CNTNAP4: variants seen among roughly 807,000 people sequenced by gnomAD.
CNTNAP4 encodes the protein contactin-associated protein-like 4.
Under a neutral mutation model 148.4 loss-of-function variants are expected in CNTNAP4, and 98 were observed. The ratio of observed to expected loss-of-function variants is 0.66; its 90% CI spans 0.56 to 0.78. The LOEUF (loss-of-function observed/expected upper bound fraction) is 0.78. Ranked by LOEUF, CNTNAP4 falls within the 30% of genes least tolerant of loss-of-function variation. The pLI is 0.00. For missense variants in CNTNAP4, 1,935 were observed against 1,565.6 expected (o/e 1.24, Z -3.98); for synonymous variants, 730 against 565.1 (o/e 1.29, Z -4.14).
At chr16:76,343,737 T>C (rs1423587907) in intron 2 of CNTNAP4, among the ~76,000 whole-genome samples, 1 of 144,424 alleles carries the variant, frequency 6.9e-6, no homozygotes, top group Non-Finnish European at 1.5e-5. Context: ...ATGTTGAAAC[T>C]TCATTTTTTT....
At chr16:76,505,176 G>A (rs546857938) in intron 15 of CNTNAP4, among the ~76,000 whole-genome samples, 1 of 151,934 alleles carries the variant, frequency 6.6e-6, no homozygotes, top group African/African-American at 2.4e-5. Context: ...ATTATTATTG[G>A]CTTTATTCCA....
At chr16:76,468,806 G>T (rs2143518158) in intron 10 of CNTNAP4, among the ~76,000 whole-genome samples, 1 of 152,224 alleles carries the variant, frequency 6.6e-6, no homozygotes, top group Admixed American at 6.5e-5. Flanking sequence ...TTAGGCATGA[G>T]CAACTATAGC....
At chr16:76,278,620 G>T (rs1290265266) in intron 1 of CNTNAP4, among the ~76,000 whole-genome samples, 1 of 152,114 alleles carries the variant, frequency 6.6e-6, no homozygotes, top group African/African-American at 2.4e-5. Context: ...TTCCCCTCCT[G>T]ATTAATGACA....
intron 21 of CNTNAP4, among the ~76,000 whole-genome samples, chr16:76,547,022 T>C (rs149938593): frequency 6.6e-4 from 101 of 152,334 alleles, no homozygotes; most frequent in African/African-American, 2.2e-3. Context: ...AAGCATTTCA[T>C]TTCTTTCTGG....
intron 12 of CNTNAP4, among the ~76,000 whole-genome samples, chr16:76,485,107 T>C (rs972405191): frequency 2.6e-5 from 4 of 152,158 alleles, no homozygotes. Flanking sequence ...GTATTGCTTT[T>C]TCTTTTCTTT....
At chr16:76,505,106 A>G (rs981250456) in intron 15 of CNTNAP4, among the ~76,000 whole-genome samples, 1 of 152,184 alleles carries the variant, frequency 6.6e-6, no homozygotes, top group Non-Finnish European at 1.5e-5. Context: ...AGCAATCCCC[A>G]TCTTAGGATT....
At chr16:76,541,584 G>C (rs963138215) in intron 21 of CNTNAP4, among the ~76,000 whole-genome samples, 1 of 152,092 alleles carries the variant, frequency 6.6e-6, no homozygotes, top group South Asian at 2.1e-4. Context: ...GTCCAAGATA[G>C]TAAATGGAAT....
At chr16:76,495,402 C>G (rs1467929550) in intron 14 of CNTNAP4, among the ~76,000 whole-genome samples, 1 of 151,954 alleles carries the variant, frequency 6.6e-6, no homozygotes, top group African/African-American at 2.4e-5. Context: ...AGCCAAAGCA[C>G]ATTTCTTCAA....
intron 3 of CNTNAP4, among the ~76,000 whole-genome samples, chr16:76,359,881 G>A (rs187149594): frequency 1.8e-4 from 27 of 152,190 alleles, no homozygotes; most frequent in East Asian, 7.7e-4. Context: ...CTGAGATATC[G>A]TGAAATCAAC....
intron 2 of CNTNAP4, among the ~76,000 whole-genome samples, chr16:76,344,707 G>T (rs1964762982): frequency 3.9e-5 from 6 of 152,176 alleles, no homozygotes. Context: ...TTGTTGTTTA[G>T]TCCAGAGACT....
intron 3 of CNTNAP4, among the ~76,000 whole-genome samples, chr16:76,418,143 G>A (rs2079052023): frequency 1.3e-5 from 2 of 151,430 alleles, no homozygotes; most frequent in Admixed American, 1.3e-4. Context: ...CTACAGTTCA[G>A]TGTCTGTCAT....
chr16:76,410,973 A>G (rs1269339338), intron 3 of CNTNAP4, among the ~76,000 whole-genome samples: 1 of 151,552 alleles, frequency 6.6e-6, no homozygotes. Flanking sequence ...CAGGTAAATA[A>G]GACATATAGT....
chr16:76,304,315 G>C (rs1473709705), intron 1 of CNTNAP4, among the ~76,000 whole-genome samples: 1 of 152,082 alleles, frequency 6.6e-6, no homozygotes, highest in Non-Finnish European at 1.5e-5. Context: ...TCAGTGCAAG[G>C]CGACAGGTAA....
chr16:76,458,124 A>C (rs2143345344), intron 8 of CNTNAP4, among the ~76,000 whole-genome samples: 1 of 152,278 alleles, frequency 6.6e-6, no homozygotes, highest in East Asian at 1.9e-4. Context: ...AAACAATGTT[A>C]TTCCATTCTT....
chr16:76,432,853 C>G (rs1208628542), intron 4 of CNTNAP4, among the ~76,000 whole-genome samples: 1 of 152,124 alleles, frequency 6.6e-6, no homozygotes, highest in Non-Finnish European at 1.5e-5. Flanking sequence ...AACTGTCAAG[C>G]CATACTCAAC....
At chr16:76,377,136 C>G (rs944232318) in intron 3 of CNTNAP4, among the ~76,000 whole-genome samples, 1 of 152,054 alleles carries the variant, frequency 6.6e-6, no homozygotes, top group Non-Finnish European at 1.5e-5. Flanking sequence ...CCCTCTTATT[C>G]CAGGGAAGTC....
intron 3 of CNTNAP4, among the ~76,000 whole-genome samples, chr16:76,394,350 A>G (rs899048247): frequency 2.0e-5 from 3 of 152,208 alleles, no homozygotes; most frequent in African/African-American, 7.2e-5. Flanking sequence ...ACTCACACGT[A>G]CACACTTCAT....
At chr16:76,337,328 C>T (rs746714833) in intron 2 of CNTNAP4, among the ~76,000 whole-genome samples, 20 of 152,148 alleles carry the variant, frequency 1.3e-4, no homozygotes, top group East Asian at 3.9e-4. Flanking sequence ...AAATGTCAGC[C>T]GGTCTGAGAA....
At chr16:76,452,403 GTT>G in intron 7 of CNTNAP4, 103 bp from the exon 8 acceptor site, 1 of 1,145,440 alleles carries the variant, frequency 8.7e-7, no homozygotes, top group African/African-American at 1.5e-5. Flanking sequence ...GCAGGCAGTT[GTT>G]TTAAATCGCG....
Sources: gnomAD v4.1 joint callset for allele counts (sites outside exome capture counted in the v4.1 genomes callset) on GRCh38, gnomAD v4.1.1 for gene constraint, MANE v1.5 for transcripts, NCBI Gene and HGNC (gene_info 2026-07-23, HGNC 2026-07-21) for gene names.